RP1L1: variants seen among roughly 807,000 people sequenced by gnomAD.
The protein encoded by RP1L1 is retinitis pigmentosa 1-like 1 protein.
A neutral mutation model predicts 15.7 loss-of-function variants in RP1L1; 27 were observed. The ratio of observed to expected loss-of-function variants is 1.72; its 90% CI spans 1.27 to 2.38. The LOEUF is 2.38. RP1L1 is among the 30% of genes most tolerant of loss of function. RP1L1 has a pLI of 0.00. For missense variants in RP1L1, 4,798 were observed against 3,075.9 expected, an observed-to-expected ratio of 1.56 and a Z score of -13.24; for synonymous variants, 1,813 against 1,276.7, an observed-to-expected ratio of 1.42 and a Z score of -8.96.
chr8:10,636,386 C>G (rs1287746630), intron 1 of RP1L1, among the ~76,000 whole-genome samples: 3 of 152,184 alleles, frequency 2.0e-5, no homozygotes, highest in Non-Finnish European at 2.9e-5. Flanking sequence ...AGCTGTGAAG[C>G]CTTGGAGGAA....
rs1377930086 is a variant in RP1L1 at position 10,610,001 on chromosome 8, C to T, written c.4097G>A (p.Gly1366Glu). 3.8e-6 allele frequency: 6 copies of T among 1,586,322 alleles called. No individual in the cohort carries two copies. In the South Asian group the frequency reaches 6.8e-5, roughly 18 times the overall value. ...LEEIEETGGEGLQEEGVQLEE... is the reference protein window; with the variant it reads ...LEEIEETGGEELQEEGVQLEE... The stretch of plus-strand genomic sequence containing the variant: ...TAACTGCACCCCCTCTTCTTGCAGC[C>T]CTTCTCCTCCTGTTTCTTCAATTTC... The change falls in exon 4 of 4, where the codon GGG (glycine) becomes GAG (glutamate). Residue 1366 changes from glycine to glutamate, a missense_variant. By Grantham distance (98) the Gly-to-Glu change is moderately conservative. Coordinates refer to ENST00000382483, the MANE Select transcript of RP1L1 (RefSeq NM_178857.6).
chr8:10,619,845 A>C (rs934286819), intron 2 of RP1L1, among the ~76,000 whole-genome samples: 4 of 151,960 alleles, frequency 2.6e-5, no homozygotes, highest in African/African-American at 4.8e-5. Flanking sequence ...CTGTAGTCCC[A>C]GCTACTCGGG....
chr8:10,636,160 A>G (rs1441892523), intron 1 of RP1L1, among the ~76,000 whole-genome samples: 1 of 152,260 alleles, frequency 6.6e-6, no homozygotes, highest in East Asian at 1.9e-4. Flanking sequence ...GTTGGACTCC[A>G]CAATGCTTAT....
intron 3 of RP1L1, 149 bp downstream of exon 3, chr8:10,616,297 A>T: frequency 1.0e-6 from 1 of 965,198 alleles, no homozygotes; most frequent in Non-Finnish European, 1.6e-6. Flanking sequence ...AGAAGGAGGA[A>T]GAGGCAAGAG....
In RP1L1 at chr8:10,607,675, G is replaced by C. The variant is rs1206556850; in HGVS notation, c.6423C>G (p.Ala2141=). Residue 2141 remains alanine, a synonymous_variant, in exon 4 of 4, where the codon GCC becomes GCG. Coordinates refer to ENST00000382483, the MANE Select transcript of RP1L1 (RefSeq NM_178857.6). Reference sequence around the variant, plus strand: ...CCTCTACACCTTCTGACTCAGGCTGGGCCTCCCCTTCAGCCTCTGGGGCCT... The same window carrying C: ...CCTCTACACCTTCTGACTCAGGCTGCGCCTCCCCTTCAGCCTCTGGGGCCT... ...GIEAPEAEGE[A]QPESEGVEAQ... is the part of the protein sequence containing the mutation. The C allele has an allele frequency of 6.3e-7, 1 of 1,584,322 alleles. No homozygotes were observed. Among genetic ancestry groups the C allele is most frequent in the Non-Finnish European group, 8.6e-7 (1 of 1,164,424 alleles).
chr8:10,623,487 C>A (rs1470902281), intron 1 of RP1L1, among the ~76,000 whole-genome samples: 1 of 151,734 alleles, frequency 6.6e-6, no homozygotes, highest in East Asian at 1.9e-4. Context: ...CCACCACATG[C>A]CTTCAGAGTC....
chr8:10,614,496 C>G (rs1797932281), intron 3 of RP1L1, among the ~76,000 whole-genome samples: 1 of 151,894 alleles, frequency 6.6e-6, no homozygotes, highest in Non-Finnish European at 1.5e-5. Context: ...CCCATCTCTA[C>G]TAAAAGCACA....
At chr8:10,615,102 AG>A (rs1797944035) in intron 3 of RP1L1, among the ~76,000 whole-genome samples, 1 of 152,166 alleles carries the variant, frequency 6.6e-6, no homozygotes, top group South Asian at 2.1e-4. Flanking sequence ...ACACTCCTCC[AG>A]GGAGGGACCC....
intron 1 of RP1L1, among the ~76,000 whole-genome samples, chr8:10,638,474 CT>C (rs1401308738): frequency 5.9e-5 from 9 of 152,096 alleles, no homozygotes; most frequent in African/African-American, 1.9e-4. Context: ...CAAATTTCTA[CT>C]TCAATTGTTT....
intron 1 of RP1L1, among the ~76,000 whole-genome samples, chr8:10,629,092 G>C (rs183600668): frequency 6.6e-6 from 1 of 152,258 alleles, no homozygotes; most frequent in Admixed American, 6.5e-5. Context: ...GAGCAGGAAA[G>C]AGAATGGAGT....
Position 10,631,502 on chromosome 8 carries a change from T to C in RP1L1, c.-19-8282A>G, listed in dbSNP as rs150529430. Among the ~76,000 whole-genome samples the C allele has an allele frequency of 5.5e-4, 84 of 152,308 alleles. 1 individual carries two copies. Among genetic ancestry groups the C allele is most frequent in the African/African-American group, 1.9e-3 (77 of 41,570 alleles). On this transcript the variant is annotated intron_variant, in intron 1 of 3. Transcript: ENST00000382483. ...ATACATAATGACATGTGTGAAGCTC[T>C]TTTCCGTGTATAGCAGGATTATATA...
intron 3 of RP1L1, among the ~76,000 whole-genome samples, chr8:10,615,047 G>C (rs1211536659): frequency 6.6e-6 from 1 of 152,190 alleles, no homozygotes; most frequent in Non-Finnish European, 1.5e-5. Context: ...GGCAGAAGAT[G>C]GCTTTGCCCA....
At chr8:10,639,286 G>A (rs940299577) in intron 1 of RP1L1, among the ~76,000 whole-genome samples, 5 of 152,138 alleles carry the variant, frequency 3.3e-5, no homozygotes, top group Non-Finnish European at 7.3e-5. Flanking sequence ...CAGGACAAAC[G>A]AGCAGCCTAC....
chr8:10,645,626 G>A (rs1798465333), intron 1 of RP1L1, among the ~76,000 whole-genome samples: 1 of 152,168 alleles, frequency 6.6e-6, no homozygotes, highest in African/African-American at 2.4e-5. Flanking sequence ...CGGAATCACT[G>A]CCATGGGCAC....
In RP1L1 at chr8:10,606,487, C is replaced by G. The variant is rs2117187434; in HGVS notation, c.*408G>C. On this transcript the variant is annotated 3_prime_UTR_variant, in exon 4 of 4. Coordinates refer to ENST00000382483, the MANE Select transcript of RP1L1 (RefSeq NM_178857.6). ...AAATGAGGTGAGTGCCAACAGAAGC[C>G]AAGGAGAAAAGTAACAGGAGATCAA... 1 of 202,298 alleles carries G rather than the reference C, an allele frequency of 4.9e-6. No individual in the cohort carries two copies. Among genetic ancestry groups the G allele is most frequent in the East Asian group, 1.4e-4 (1 of 7,406 alleles). 12.5% of individuals were successfully genotyped at this position (202,298 alleles called of 1,614,324 possible).
chr8:10,625,086 C>T (rs190897224), intron 1 of RP1L1, among the ~76,000 whole-genome samples: 112 of 152,324 alleles, frequency 7.4e-4, no homozygotes, highest in African/African-American at 2.4e-3. Context: ...TGAGGGTGAA[C>T]AATCAGCTGA....
Position 10,607,199 on chromosome 8 carries a change from G to A in RP1L1, c.6899C>T (p.Ser2300Phe). 6.2e-7 allele frequency: 1 copy of A among 1,614,232 alleles called. No individual in the cohort carries two copies. The highest frequency in any genetic ancestry group is 8.5e-7 in the Non-Finnish European group (1 of 1,180,040). The change falls in exon 4 of 4, where the codon TCC becomes TTC. Residue 2300 changes from serine (S) to phenylalanine (F), a missense_variant. By Grantham distance (155) the Ser-to-Phe change is radical. Transcript: ENST00000382483. Reference protein sequence around the residue: ...QRPGSQTGPSSSRASSWGNCW... With the variant: ...QRPGSQTGPSFSRASSWGNCW... ...GTTGCCCCAAGAGGATGCTCTGGAG[G>A]AGGAAGGGCCTGTTTGGGAGCCTGG...
rs11782670 is a variant in RP1L1 at position 10,607,889 on chromosome 8, T to A, written c.6209A>T (p.Glu2070Val). Reference sequence around the variant, plus strand: ...GGCCTCCCCTTCTGCCTCCTGGACCTCCCCTTCAGCCTCCTGTGCCTCCTC... The same window carrying A: ...GGCCTCCCCTTCTGCCTCCTGGACCACCCCTTCAGCCTCCTGTGCCTCCTC... ...AEEEAQEAEG[E>V]VQEAEGEAHP... The change falls in exon 4 of 4, where the codon GAG (glutamate) becomes GTG (valine). Residue 2070 changes from glutamate to valine, a missense_variant. Glu to Val is a moderately radical substitution (Grantham distance 121, BLOSUM62 -2). Coordinates refer to ENST00000382483, the MANE Select transcript of RP1L1 (RefSeq NM_178857.6). The A allele has an allele frequency of 0.12, 200,195 of 1,602,372 alleles. 14,505 individuals are homozygous for A. Among genetic ancestry groups the A allele is most frequent in the East Asian group, 0.39 (17,107 of 43,816 alleles).
Position 10,622,821 on chromosome 8 carries a change from C to A in RP1L1, c.381G>T (p.Gln127His). The A allele has an allele frequency of 1.2e-6, 2 of 1,613,634 alleles. No homozygotes were observed. Among genetic ancestry groups the A allele is most frequent in the Non-Finnish European group, 1.7e-6 (2 of 1,179,702 alleles). The change falls in exon 2 of 4, where the codon CAG becomes CAT. Residue 127 changes from glutamine to histidine, a missense_variant. Gln to His is a conservative substitution (Grantham distance 24). Coordinates refer to ENST00000382483, the MANE Select transcript of RP1L1 (RefSeq NM_178857.6). ...GCTGGCCTTCGACATCCCGCAACTG[C>A]TGAGCAGTGGGGTTTCTCTCCTGTG... The part of the protein sequence containing the change: ...GRPQERNPTA[Q>H]QLRDVEGQRE...
Sources: gnomAD v4.1 joint callset for allele counts (sites outside exome capture counted in the v4.1 genomes callset) on GRCh38, gnomAD v4.1.1 for gene constraint, MANE v1.5 for transcripts, NCBI Gene and HGNC (gene_info 2026-07-23, HGNC 2026-07-21) for gene names.